The following KCNH5 variants were observed in gnomAD, a reference collection of about 807,000 sequenced individuals.
KCNH5 encodes the protein voltage-gated delayed rectifier potassium channel KCNH5.
Under a neutral mutation model 96.1 loss-of-function variants are expected in KCNH5, and 46 were observed. The ratio of observed to expected loss-of-function variants is 0.48; its 90% CI spans 0.38 to 0.61. KCNH5 has a LOEUF of 0.61. Ranked by LOEUF, KCNH5 falls within the 20% of genes least tolerant of loss-of-function variation. The probability of loss-of-function intolerance (pLI) is 0.00; values close to 1 mark genes in which losing one functional copy is unlikely to be tolerated. For missense variants in KCNH5, 907 were observed against 1,225.8 expected, an observed-to-expected ratio of 0.74 and a Z score of 3.88; for synonymous variants, 439 against 449.8, an observed-to-expected ratio of 0.98 and a Z score of 0.30.
At chr14:62,904,619 C>T (rs1272053098) in intron 7 of KCNH5, among the ~76,000 whole-genome samples, 1 of 152,218 alleles carries the variant, frequency 6.6e-6, no homozygotes, top group East Asian at 1.9e-4. Flanking sequence ...GAAAGTAAGC[C>T]TTCATCAAAG....
chr14:62,902,467 ATAG>A (rs1213928735), intron 7 of KCNH5, among the ~76,000 whole-genome samples: 1 of 152,120 alleles, frequency 6.6e-6, no homozygotes, highest in African/African-American at 2.4e-5. Context: ...AGTGATTATA[ATAG>A]TAGTTTTTCT....
At chr14:62,907,720 T>A (rs1443882220) in intron 7 of KCNH5, among the ~76,000 whole-genome samples, 1 of 152,232 alleles carries the variant, frequency 6.6e-6, no homozygotes, top group Non-Finnish European at 1.5e-5. Flanking sequence ...TCATTCCCTG[T>A]GCACTCATGG....
chr14:62,954,239 C>A (rs1464892354), intron 6 of KCNH5, among the ~76,000 whole-genome samples: 1 of 152,206 alleles, frequency 6.6e-6, no homozygotes. Flanking sequence ...CTGACATCAT[C>A]TCCCTGCCTC....
At chr14:62,885,052 A>G (rs1566694639) in intron 7 of KCNH5, among the ~76,000 whole-genome samples, 2 of 152,244 alleles carry the variant, frequency 1.3e-5, no homozygotes. Flanking sequence ...ACTTTAATTA[A>G]TGAAAGTAAA....
At chr14:62,988,886 C>T (rs1890759578) in intron 4 of KCNH5, among the ~76,000 whole-genome samples, 1 of 151,976 alleles carries the variant, frequency 6.6e-6, no homozygotes, top group Non-Finnish European at 1.5e-5. Context: ...ATGTCCAAAA[C>T]TGACACCATC....
At chr14:62,744,945 C>A (rs2139938562) in intron 10 of KCNH5, among the ~76,000 whole-genome samples, 1 of 152,198 alleles carries the variant, frequency 6.6e-6, no homozygotes, top group Admixed American at 6.5e-5. Context: ...GACTGTCTGG[C>A]ATGAGGAGGA....
chr14:62,719,490 C>T (rs1405858565), intron 10 of KCNH5, among the ~76,000 whole-genome samples: 1 of 152,196 alleles, frequency 6.6e-6, no homozygotes, highest in African/African-American at 2.4e-5. Flanking sequence ...GAGCAATGAA[C>T]GATTCGTGAA....
intron 10 of KCNH5, among the ~76,000 whole-genome samples, chr14:62,736,753 T>C (rs12589213): frequency 0.08 from 12,133 of 152,224 alleles, 751 homozygotes; most frequent in East Asian, 0.3. Context: ...CTGACCAAAA[T>C]TGGCCAGAAG....
At chr14:62,993,254 C>A (rs1890845811) in intron 4 of KCNH5, among the ~76,000 whole-genome samples, 1 of 151,940 alleles carries the variant, frequency 6.6e-6, no homozygotes. Flanking sequence ...AATGTGATGT[C>A]TTCAGCTTTA....
chr14:62,931,468 T>G (rs1479001398), intron 7 of KCNH5, among the ~76,000 whole-genome samples: 1 of 151,986 alleles, frequency 6.6e-6, no homozygotes, highest in African/African-American at 2.4e-5. Context: ...AAAATAACAG[T>G]AAATGGATTG....
At chr14:62,956,440 T>A (rs1181146744) in intron 6 of KCNH5, among the ~76,000 whole-genome samples, 2 of 152,120 alleles carry the variant, frequency 1.3e-5, no homozygotes, top group Non-Finnish European at 2.9e-5. Flanking sequence ...ACTAGGTGGT[T>A]CACTTTGTGA....
intron 10 of KCNH5, among the ~76,000 whole-genome samples, chr14:62,773,825 C>T (rs530187672): frequency 6.6e-6 from 1 of 152,152 alleles, no homozygotes; most frequent in Non-Finnish European, 1.5e-5. Context: ...ACAAATATAA[C>T]ACTTATTTTT....
intron 3 of KCNH5, among the ~76,000 whole-genome samples, chr14:63,004,865 G>A (rs890052168): frequency 7.2e-5 from 11 of 152,120 alleles, no homozygotes; most frequent in Non-Finnish European, 1.3e-4. Context: ...TGTCTTTGGG[G>A]CTTTAAAGTC....
chr14:62,820,189 G>C (rs17100389), intron 8 of KCNH5, among the ~76,000 whole-genome samples: 1 of 151,948 alleles, frequency 6.6e-6, no homozygotes, highest in South Asian at 2.1e-4. Context: ...GAATGCTTGG[G>C]GAACAATGAG....
intron 1 of KCNH5, among the ~76,000 whole-genome samples, chr14:63,041,653 A>G (rs1000112534): frequency 4.6e-5 from 7 of 152,154 alleles, no homozygotes; most frequent in African/African-American, 1.7e-4. Context: ...TTTTATCTTT[A>G]AACTAAAAAG....
At chr14:62,912,012 T>C (rs1172176758) in intron 7 of KCNH5, among the ~76,000 whole-genome samples, 2 of 131,944 alleles carry the variant, frequency 1.5e-5, no homozygotes, top group Non-Finnish European at 3.1e-5. Context: ...CATTCCAGCC[T>C]GGGTGACAGA....
chr14:62,736,399 T>C (rs201347784), intron 10 of KCNH5, among the ~76,000 whole-genome samples: 81 of 146,790 alleles, frequency 5.5e-4, no homozygotes, highest in African/African-American at 1.8e-3. Flanking sequence ...TTCACCTTAA[T>C]AAAAAAAAAA....
intron 7 of KCNH5, among the ~76,000 whole-genome samples, chr14:62,911,581 A>C (rs1271373664): frequency 1.3e-5 from 2 of 152,188 alleles, no homozygotes; most frequent in Non-Finnish European, 2.9e-5. Flanking sequence ...AATTAAGAAA[A>C]CACAACATTG....
At chr14:62,914,713 A>C (rs1889240587) in intron 7 of KCNH5, among the ~76,000 whole-genome samples, 1 of 152,222 alleles carries the variant, frequency 6.6e-6, no homozygotes, top group Non-Finnish European at 1.5e-5. Context: ...CTCTTACCAG[A>C]CATCACTGGT....
Sources: gnomAD v4.1 joint callset for allele counts (sites outside exome capture counted in the v4.1 genomes callset) on GRCh38, gnomAD v4.1.1 for gene constraint, MANE v1.5 for transcripts, NCBI Gene and HGNC (gene_info 2026-07-23, HGNC 2026-07-21) for gene names.